The following PXDNL variants were observed in gnomAD, a reference collection of about 807,000 sequenced individuals.
PXDNL encodes probable oxidoreductase PXDNL.
A neutral mutation model predicts 150.8 loss-of-function variants in PXDNL; 145 were observed. The ratio of observed to expected loss-of-function variants is 0.96; its 90% CI spans 0.84 to 1.10. PXDNL has a LOEUF of 1.10. PXDNL is among the 50% of genes least tolerant of loss of function. The pLI is 0.00. For missense variants in PXDNL, 2,087 were observed against 1,873.9 expected (o/e 1.11, Z -2.10); for synonymous variants, 757 against 725.7 (o/e 1.04, Z -0.69).
At chr8:51,360,334 T>C (rs1806684325) in intron 19 of PXDNL, among the ~76,000 whole-genome samples, 1 of 152,222 alleles carries the variant, frequency 6.6e-6, no homozygotes, top group African/African-American at 2.4e-5. Flanking sequence ...CACATCTGCA[T>C]ATACACACCT....
chr8:51,653,595 G>A (rs193041030), intron 2 of PXDNL, among the ~76,000 whole-genome samples: 1 of 152,228 alleles, frequency 6.6e-6, no homozygotes, highest in East Asian at 1.9e-4. Context: ...AATAAACCCT[G>A]CAGTCCTTAC....
intron 2 of PXDNL, among the ~76,000 whole-genome samples, chr8:51,630,428 G>C (rs1814465403): frequency 1.3e-5 from 2 of 152,042 alleles, no homozygotes; most frequent in South Asian, 4.1e-4. Context: ...AACAAAAAGT[G>C]ACAAATGTGA....
rs77244543 is a variant in PXDNL, at chr8:51,681,833, T to C, written c.165-27073A>G. 5.9e-3 allele frequency among the ~76,000 whole-genome samples: 897 copies of C among 152,312 alleles called. 14 individuals carry two copies. The highest frequency in any genetic ancestry group is 0.021 in the African/African-American group (854 of 41,566). ...ACAGCACCCACTGGGACTCCACCTCTCAGTGGGCACCATGTTTCCACTGGG... is the reference window on the plus strand; with the variant it reads ...ACAGCACCCACTGGGACTCCACCTCCCAGTGGGCACCATGTTTCCACTGGG... On this transcript the variant is annotated intron_variant, in intron 1 of 22. Coordinates refer to ENST00000356297, the MANE Select transcript of PXDNL (RefSeq NM_144651.5).
chr8:51,525,510 C>T (rs1811752527), intron 4 of PXDNL, among the ~76,000 whole-genome samples: 1 of 152,260 alleles, frequency 6.6e-6, no homozygotes, highest in South Asian at 2.1e-4. Context: ...ATCTCTTTTC[C>T]CTCCTCCGTT....
At chr8:51,739,875 CA>C (rs10626496) in intron 1 of PXDNL, among the ~76,000 whole-genome samples, 5 of 131,730 alleles carry the variant, frequency 3.8e-5, no homozygotes, top group African/African-American at 1.1e-4. Context: ...GATTCTGTCT[CA>C]AAAAAAAAAA....
At chr8:51,644,321 C>CATATATAT (rs369187025) in intron 2 of PXDNL, among the ~76,000 whole-genome samples, 4 of 55,906 alleles carry the variant, frequency 7.2e-5, no homozygotes, top group African/African-American at 1.7e-4. Context: ...CACATTTTTA[C>CATATATAT]ATATATATAT....
intron 18 of PXDNL, among the ~76,000 whole-genome samples, chr8:51,372,460 C>CCACTCA (rs1807153725): frequency 3.3e-5 from 5 of 152,212 alleles, no homozygotes; most frequent in Non-Finnish European, 5.9e-5. Flanking sequence ...TCTCAGCTCA[C>CCACTCA]TGCAACCTCT....
intron 1 of PXDNL, among the ~76,000 whole-genome samples, chr8:51,801,294 C>T (rs796643069): frequency 6.6e-5 from 10 of 151,836 alleles, no homozygotes; most frequent in African/African-American, 2.4e-4. Flanking sequence ...TGAGGTCAGA[C>T]CAGTTCTCTG....
At chr8:51,735,301 T>C (rs374936721) in intron 1 of PXDNL, among the ~76,000 whole-genome samples, 19 of 151,700 alleles carry the variant, frequency 1.3e-4, no homozygotes, top group African/African-American at 4.3e-4. Context: ...GTCAACATGG[T>C]GAGACCCTGT....
intron 20 of PXDNL, among the ~76,000 whole-genome samples, chr8:51,344,160 A>T (rs1229248419): frequency 6.6e-6 from 1 of 152,100 alleles, no homozygotes; most frequent in African/African-American, 2.4e-5. Context: ...GGTGGAGTAT[A>T]GTGCCGTGAT....
intron 2 of PXDNL, among the ~76,000 whole-genome samples, chr8:51,643,055 A>G (rs545071579): frequency 9.2e-5 from 14 of 152,226 alleles, no homozygotes; most frequent in African/African-American, 3.4e-4. Flanking sequence ...ACACAAACAA[A>G]TGGAAGAATA....
intron 1 of PXDNL, among the ~76,000 whole-genome samples, chr8:51,666,679 A>G (rs1815394336): frequency 6.6e-6 from 1 of 152,054 alleles, no homozygotes; most frequent in Admixed American, 6.6e-5. Flanking sequence ...GAGTCCTAGG[A>G]GCCACCCATT....
intron 1 of PXDNL, among the ~76,000 whole-genome samples, chr8:51,794,923 A>G (rs1286352329): frequency 6.6e-6 from 1 of 152,226 alleles, no homozygotes; most frequent in Non-Finnish European, 1.5e-5. Context: ...CATCTCGTGC[A>G]GACACAGATA....
rs532593797 is a variant in PXDNL, at chr8:51,607,326, G to C, written c.237-14628C>G. ...TGAGAGTTAATTGGCACTAATAGAA[G>C]TAATTACTATGATCTCATTTCTTTC... On this transcript the variant is annotated intron_variant, in intron 2 of 22. Transcript: ENST00000356297. Among the ~76,000 whole-genome samples, 4 of 152,226 alleles carry C rather than the reference G, an allele frequency of 2.6e-5. No homozygotes were observed. In the East Asian group the frequency reaches 7.7e-4, roughly 29 times the overall value.
At chr8:51,602,555 A>T (rs1451518166) in intron 2 of PXDNL, among the ~76,000 whole-genome samples, 1 of 151,926 alleles carries the variant, frequency 6.6e-6, no homozygotes, top group African/African-American at 2.4e-5. Flanking sequence ...AGGAGTGACA[A>T]ATTCTAAGAC....
intron 2 of PXDNL, among the ~76,000 whole-genome samples, chr8:51,615,839 C>T (rs144698405): frequency 2.0e-5 from 3 of 152,328 alleles, no homozygotes; most frequent in Admixed American, 2.0e-4. Flanking sequence ...ACATTCCTTG[C>T]TCCTCAGTGT....
intron 2 of PXDNL, among the ~76,000 whole-genome samples, chr8:51,624,682 A>G (rs890197832): frequency 4.0e-5 from 6 of 148,336 alleles, no homozygotes; most frequent in African/African-American, 1.2e-4. Context: ...TATATTATAT[A>G]TATAATATAT....
intron 2 of PXDNL, among the ~76,000 whole-genome samples, chr8:51,644,264 T>C (rs1814851397): frequency 1.4e-5 from 2 of 142,234 alleles, no homozygotes; most frequent in Non-Finnish European, 3.1e-5. Context: ...CAGTCTCTAA[T>C]AGTCTGGGTG....
intron 2 of PXDNL, among the ~76,000 whole-genome samples, chr8:51,634,096 T>A (rs1814550866): frequency 6.6e-6 from 1 of 152,016 alleles, no homozygotes; most frequent in South Asian, 2.1e-4. Flanking sequence ...TTTCTAGGAT[T>A]TTTAGAGTTT....
Sources: gnomAD v4.1 joint callset for allele counts (sites outside exome capture counted in the v4.1 genomes callset) on GRCh38, gnomAD v4.1.1 for gene constraint, MANE v1.5 for transcripts, NCBI Gene and HGNC (gene_info 2026-07-23, HGNC 2026-07-21) for gene names.